Variants in DCC observed in about 807,000 individuals in gnomAD.
The protein encoded by DCC is netrin receptor DCC.
DCC carries 58 observed loss-of-function variants against 172.5 expected under a neutral mutation model. The ratio of observed to expected loss-of-function variants is 0.34; its 90% CI spans 0.27 to 0.42. The LOEUF (loss-of-function observed/expected upper bound fraction) is 0.42. Among genes scored for constraint, DCC ranks in the 10% least tolerant of loss-of-function variants. The pLI is 1.00. For synonymous variants in DCC, 709 were observed against 644.5 expected (o/e 1.10, Z -1.52); for missense variants, 1,740 against 1,791.0 (o/e 0.97, Z 0.51).
chr18:52,925,529 A>C (rs2040188023), intron 5 of DCC, among the ~76,000 whole-genome samples, 159 bp downstream of exon 5: 1 of 151,972 alleles, frequency 6.6e-6, no homozygotes, highest in Admixed American at 6.6e-5. Context: ...GATTAATTGC[A>C]TAGGGGTTAT....
intron 2 of DCC, among the ~76,000 whole-genome samples, chr18:52,861,010 T>C (rs2145361083): frequency 1.9e-5 from 1 of 53,178 alleles, no homozygotes; most frequent in African/African-American, 6.0e-5. Context: ...TGAATCCATT[T>C]CAAAAAAAAA....
At chr18:52,491,903 A>G (rs891565736) in intron 1 of DCC, among the ~76,000 whole-genome samples, 1 of 151,914 alleles carries the variant, frequency 6.6e-6, no homozygotes, top group African/African-American at 2.4e-5. Context: ...TCCTGTCTGG[A>G]GCGCAGAGGA....
At chr18:52,886,283 C>T (rs2039568108) in intron 2 of DCC, among the ~76,000 whole-genome samples, 1 of 152,074 alleles carries the variant, frequency 6.6e-6, no homozygotes, top group Non-Finnish European at 1.5e-5. Flanking sequence ...ACTTAGAACC[C>T]CAGAGCGCTT....
At chr18:53,426,435 ATTAT>A (rs912070954) in intron 21 of DCC, among the ~76,000 whole-genome samples, 15 of 143,410 alleles carry the variant, frequency 1.0e-4, no homozygotes, top group African/African-American at 2.5e-4. Flanking sequence ...ATATATTTAT[ATTAT>A]TTATATATTT....
At chr18:53,060,780 A>T (rs1489932326) in intron 5 of DCC, among the ~76,000 whole-genome samples, 2 of 152,148 alleles carry the variant, frequency 1.3e-5, no homozygotes, top group African/African-American at 2.4e-5. Context: ...CTACAACCCC[A>T]AGTTGGAAAA....
intron 2 of DCC, among the ~76,000 whole-genome samples, chr18:52,831,218 A>G (rs1022160545): frequency 1.3e-5 from 2 of 152,164 alleles, no homozygotes; most frequent in African/African-American, 2.4e-5. Context: ...GATGATCAGT[A>G]TGTCTAGAGT....
chr18:52,344,097 G>A (rs543767033), intron 1 of DCC, among the ~76,000 whole-genome samples: 1 of 152,252 alleles, frequency 6.6e-6, no homozygotes, highest in African/African-American at 2.4e-5. Context: ...TTGAGATGCT[G>A]ATAGGCATTT....
intron 24 of DCC, among the ~76,000 whole-genome samples, chr18:53,464,979 CAA>C (rs71179510): frequency 1.6e-3 from 87 of 54,844 alleles, no homozygotes; most frequent in African/African-American, 3.8e-3. Context: ...AACTCAATCT[CAA>C]AAAAAAAAAA....
intron 2 of DCC, among the ~76,000 whole-genome samples, chr18:52,901,018 G>T (rs569956964): frequency 2.6e-5 from 4 of 152,334 alleles, no homozygotes; most frequent in South Asian, 4.1e-4. Context: ...ACTGCTACTT[G>T]AGGGTTTGAG....
At chr18:52,549,532 G>C (rs1303657509) in intron 1 of DCC, among the ~76,000 whole-genome samples, 1 of 152,020 alleles carries the variant, frequency 6.6e-6, no homozygotes, top group African/African-American at 2.4e-5. Context: ...CCTCCACACG[G>C]TGAACCAGTG....
chr18:52,690,335 G>A (rs1045036260), intron 1 of DCC, among the ~76,000 whole-genome samples: 1 of 152,142 alleles, frequency 6.6e-6, no homozygotes, highest in African/African-American at 2.4e-5. Context: ...TACTGTAAGA[G>A]GCAACCGGAA....
chr18:52,865,392 C>G (rs543953377), intron 2 of DCC, among the ~76,000 whole-genome samples: 7 of 152,170 alleles, frequency 4.6e-5, no homozygotes, highest in African/African-American at 1.7e-4. Flanking sequence ...ATTTCTGGTT[C>G]TAGATCCTTG....
At chr18:53,058,416 G>GT (rs2144063202) in intron 5 of DCC, among the ~76,000 whole-genome samples, 1 of 152,190 alleles carries the variant, frequency 6.6e-6, no homozygotes, top group South Asian at 2.1e-4. Flanking sequence ...TATAATGAAA[G>GT]TTTTCTCATA....
chr18:53,314,744 T>C (rs562593608), intron 13 of DCC, among the ~76,000 whole-genome samples: 330 of 152,310 alleles, frequency 2.2e-3, no homozygotes, highest in Admixed American at 3.5e-3. Flanking sequence ...GGATAAAATA[T>C]AATACTTCAA....
At chr18:53,283,221 T>G (rs1242308289) in intron 12 of DCC, among the ~76,000 whole-genome samples, 1 of 152,160 alleles carries the variant, frequency 6.6e-6, no homozygotes, top group East Asian at 1.9e-4. Context: ...GAACCCTGAA[T>G]TTTAGAATAA....
chr18:52,833,616 A>G (rs2038654403), intron 2 of DCC, among the ~76,000 whole-genome samples: 1 of 152,168 alleles, frequency 6.6e-6, no homozygotes, highest in African/African-American at 2.4e-5. Flanking sequence ...TCTGGTCTGG[A>G]GCCACCACAT....
At chr18:53,008,499 G>A (rs943775520) in intron 5 of DCC, among the ~76,000 whole-genome samples, 3 of 151,878 alleles carry the variant, frequency 2.0e-5, no homozygotes, top group Admixed American at 6.6e-5. Flanking sequence ...TTTGTTCTAC[G>A]TAACGGGTTC....
chr18:53,402,382 C>T (rs1377379859), intron 18 of DCC, among the ~76,000 whole-genome samples: 1 of 123,394 alleles, frequency 8.1e-6, no homozygotes, highest in African/African-American at 2.6e-5. Flanking sequence ...AGAGCAAGAC[C>T]CTGTCTCAAA....
chr18:52,806,011 G>T (rs1029056463), intron 2 of DCC, among the ~76,000 whole-genome samples: 2 of 152,198 alleles, frequency 1.3e-5, no homozygotes, highest in Non-Finnish European at 2.9e-5. Context: ...TGAGGTTTAA[G>T]GTGATGAAGG....
Sources: allele counts gnomAD v4.1 joint callset (sites outside exome capture counted in the v4.1 genomes callset), GRCh38; gene constraint gnomAD v4.1.1; transcripts MANE v1.5; gene names NCBI Gene and HGNC (gene_info 2026-07-23, HGNC 2026-07-21).